DENND6A: variants seen among roughly 807,000 people sequenced by gnomAD.
DENND6A encodes DENN domain containing 6A, also known as protein DENND6A.
Under a neutral mutation model 95.5 loss-of-function variants are expected in DENND6A, and 43 were observed. That is an observed-to-expected ratio of 0.45 (90% CI 0.35 to 0.58). The LOEUF is 0.58. Among genes scored for constraint, DENND6A ranks in the 20% least tolerant of loss-of-function variants. The pLI, the probability that DENND6A is intolerant of heterozygous loss-of-function variation, is 0.00. For missense variants in DENND6A, 574 were observed against 736.0 expected (o/e 0.78, Z 2.55); for synonymous variants, 257 against 260.4 (o/e 0.99, Z 0.13).
rs74532765 is a variant in DENND6A at position 57,669,679 on chromosome 3, C to T, written c.319+2577G>A. 8.2e-4 allele frequency among the ~76,000 whole-genome samples: 124 copies of T among 151,220 alleles called. 4 individuals carry two copies. The East Asian group carries it at 0.022, about 27-fold the overall frequency. ...GCAGTGAGTGGAGATCGCGCCACTGCGCTCCAGCCTGGGCAACAGAGCGAG... is the reference window on the plus strand; with the variant it reads ...GCAGTGAGTGGAGATCGCGCCACTGTGCTCCAGCCTGGGCAACAGAGCGAG... On this transcript the variant is annotated intron_variant, in intron 3 of 19. Transcript: ENST00000311128.
At chr3:57,632,379 G>A (rs1037480538) in intron 15 of DENND6A, among the ~76,000 whole-genome samples, 2 of 151,400 alleles carry the variant, frequency 1.3e-5, no homozygotes, top group Non-Finnish European at 2.9e-5. Flanking sequence ...GAGTGCAGTC[G>A]TGCAATCACA....
At chr3:57,633,201 GA>G in intron 15 of DENND6A, 63 bp downstream of exon 15, 1 of 1,382,572 alleles carries the variant, frequency 7.2e-7, no homozygotes. Context: ...TGGAGGGCGG[GA>G]AAAACATTTA....
At chr3:57,662,189 T>TTTC (rs1553742422) in intron 5 of DENND6A, among the ~76,000 whole-genome samples, 3 of 121,402 alleles carry the variant, frequency 2.5e-5, no homozygotes, top group African/African-American at 9.4e-5. Context: ...TTTTTTCTTT[T>TTTC]TTTTTTTTTT....
At chr3:57,634,149 C>A (rs1400258796) in intron 14 of DENND6A, among the ~76,000 whole-genome samples, 1 of 151,872 alleles carries the variant, frequency 6.6e-6, no homozygotes, top group Non-Finnish European at 1.5e-5. Context: ...AAAAGAGACC[C>A]TGGCAGGGCA....
intron 1 of DENND6A, among the ~76,000 whole-genome samples, chr3:57,674,399 G>A (rs1159965697): frequency 2.7e-5 from 4 of 147,920 alleles, no homozygotes; most frequent in Non-Finnish European, 5.9e-5. Context: ...TTGGGAGGCC[G>A]AGGCAGGTGG....
At chr3:57,679,707 G>A (rs547460001) in intron 1 of DENND6A, 5 of 298,250 alleles carry the variant, frequency 1.7e-5, no homozygotes, top group African/African-American at 4.5e-5. Flanking sequence ...GCTCACTGAT[G>A]AAGTGGGGCA....
At position 57,628,223 on chromosome 3, in the gene DENND6A, G is replaced by A. The variant is rs2070574938; in HGVS notation, c.1818C>T (p.Gly606=). The A allele has an allele frequency of 6.2e-7, 1 of 1,612,352 alleles. No homozygotes were observed. ...EDLQGILLKT[G]MT ...AAAATCTTGGCAAATATCATGTCAT[G>A]CCCGTTTTGAGCAGTATGCCTTGCA... is the stretch of plus-strand genomic sequence containing the variant. The change falls in exon 20 of 20, where the codon GGC becomes GGT. Residue 606 remains glycine, a synonymous_variant. Coordinates refer to ENST00000311128, the MANE Select transcript of DENND6A (RefSeq NM_152678.3).
chr3:57,663,607 C>CT (rs750878923), intron 5 of DENND6A, 29 bp downstream of exon 5: 6 of 1,447,110 alleles, frequency 4.1e-6, no homozygotes, highest in Non-Finnish European at 3.7e-6. Flanking sequence ...ATAAAAAATA[C>CT]TTTTTTTATT....
At chr3:57,640,370 A>T (rs1479521573) in intron 12 of DENND6A, among the ~76,000 whole-genome samples, 1 of 152,022 alleles carries the variant, frequency 6.6e-6, no homozygotes, top group Non-Finnish European at 1.5e-5. Context: ...AGGTGGGCAG[A>T]TCACCTGAGC....
At chr3:57,637,159 A>T (rs2070813357) in intron 12 of DENND6A, among the ~76,000 whole-genome samples, 1 of 152,172 alleles carries the variant, frequency 6.6e-6, no homozygotes, top group Admixed American at 6.6e-5. Flanking sequence ...TTTATTTATG[A>T]TGCCCATTTC....
intron 9 of DENND6A, among the ~76,000 whole-genome samples, chr3:57,651,193 C>A (rs1213377131): frequency 1.3e-5 from 2 of 152,198 alleles, no homozygotes; most frequent in African/African-American, 4.8e-5. Flanking sequence ...AAAAGCAGTA[C>A]GCATTCAGTA....
intron 11 of DENND6A, among the ~76,000 whole-genome samples, chr3:57,641,969 T>C (rs754008559): frequency 6.6e-6 from 1 of 152,052 alleles, no homozygotes; most frequent in Non-Finnish European, 1.5e-5. Flanking sequence ...AAGAAAGATA[T>C]ACACACCCAG....
At chr3:57,669,622 G>A (rs1224050958) in intron 3 of DENND6A, among the ~76,000 whole-genome samples, 1 of 151,988 alleles carries the variant, frequency 6.6e-6, no homozygotes, top group Admixed American at 6.6e-5. Flanking sequence ...GGCTGAGGCA[G>A]GAGAATGGCG....
intron 1 of DENND6A, among the ~76,000 whole-genome samples, chr3:57,685,761 A>C (rs1340236942): frequency 6.6e-6 from 1 of 152,004 alleles, no homozygotes; most frequent in East Asian, 1.9e-4. Context: ...GTTTTTCTTT[A>C]ATGTTTGCTC....
At chr3:57,671,452 C>T (rs2071615826) in intron 3 of DENND6A, among the ~76,000 whole-genome samples, 2 of 152,004 alleles carry the variant, frequency 1.3e-5, no homozygotes, top group South Asian at 4.1e-4. Flanking sequence ...ATGGTGTGAA[C>T]CCGGGAGGCG....
intron 11 of DENND6A, among the ~76,000 whole-genome samples, chr3:57,642,993 C>T (rs1429706075): frequency 1.7e-4 from 22 of 127,632 alleles, no homozygotes; most frequent in Middle Eastern, 4.4e-3. Context: ...GGGACAAGAG[C>T]GAGACTTCAT....
chr3:57,674,014 C>T lies in DENND6A; in HGVS notation c.238-1576G>A, dbSNP rs553275075. On this transcript the variant is annotated intron_variant, in intron 1 of 19. Coordinates refer to ENST00000311128, the MANE Select transcript of DENND6A (RefSeq NM_152678.3). ...CGAAATCCTGACCTCAGGTGATCCA[C>T]CTGCCTTGGCCTCCCAAAGTGCTGG... Among the ~76,000 whole-genome samples, 13 of 152,230 alleles carry T rather than the reference C, an allele frequency of 8.5e-5. No homozygotes were observed. In the South Asian group the frequency reaches 1.2e-3, roughly 15 times the overall value.
chr3:57,662,019 A>C (rs1355187687), intron 5 of DENND6A, among the ~76,000 whole-genome samples: 1 of 148,820 alleles, frequency 6.7e-6, no homozygotes, highest in Non-Finnish European at 1.5e-5. Context: ...AAATTATCCC[A>C]ATTTTTAAAC....
intron 1 of DENND6A, among the ~76,000 whole-genome samples, chr3:57,684,391 A>T (rs533874476): frequency 1.1e-3 from 161 of 152,140 alleles, no homozygotes; most frequent in African/African-American, 3.8e-3. Context: ...GGAACTTGGG[A>T]ATCAGAGGTT....
Sources: gnomAD v4.1 joint callset for allele counts (sites outside exome capture counted in the v4.1 genomes callset) on GRCh38, gnomAD v4.1.1 for gene constraint, MANE v1.5 for transcripts, NCBI Gene and HGNC (gene_info 2026-07-23, HGNC 2026-07-21) for gene names.